The following ASAP2 variants were observed in gnomAD, a reference collection of about 807,000 sequenced individuals.
ASAP2 encodes ArfGAP with SH3 domain, ankyrin repeat and PH domain 2, also known as arf-GAP with SH3 domain, ANK repeat and PH domain-containing protein 2.
Under a neutral mutation model 131.4 loss-of-function variants are expected in ASAP2, and 45 were observed. That is an observed-to-expected ratio of 0.34 (90% CI 0.27 to 0.44). The LOEUF (loss-of-function observed/expected upper bound fraction) is 0.44. ASAP2 is among the 20% of genes least tolerant of loss of function. ASAP2 has a pLI of 1.00. For missense variants in ASAP2, 1,011 were observed against 1,297.0 expected (o/e 0.78, Z 3.39); for synonymous variants, 510 against 503.0 (o/e 1.01, Z -0.19).
intron 2 of ASAP2, among the ~76,000 whole-genome samples, chr2:9,290,373 C>T (rs1667735252): frequency 6.6e-6 from 1 of 152,010 alleles, no homozygotes; most frequent in Admixed American, 6.5e-5. Flanking sequence ...CCACTCCTGG[C>T]TAATTTTTGT....
chr2:9,376,036 C>A (rs1055482661), intron 17 of ASAP2, among the ~76,000 whole-genome samples: 1 of 152,212 alleles, frequency 6.6e-6, no homozygotes, highest in African/African-American at 2.4e-5. Context: ...CACATTTGGT[C>A]CCCTGGAACC....
rs1035375211 is a variant in ASAP2, at chr2:9,334,965, G to A, written c.763-128G>A. The A allele has an allele frequency of 1.8e-5, 24 of 1,343,762 alleles. No homozygotes were observed. In the Middle Eastern group the frequency reaches 1.1e-3, roughly 62 times the overall value. The allele number at this position is 1,343,762 out of a possible 1,614,324, so 83.2% of individuals were successfully genotyped here. A position where few individuals can be genotyped will look rare whatever the true frequency, so the allele number is the denominator to read the frequency against. The stretch of plus-strand genomic sequence containing the variant: ...ACGCCTGTCCTCTGTCTTGGTGGGA[G>A]GGAAGGTTTGACCAGCGAGGGAGGC... On this transcript the variant is annotated intron_variant, in intron 8 of 27. Transcript: ENST00000281419.
intron 1 of ASAP2, among the ~76,000 whole-genome samples, chr2:9,223,432 A>G (rs1292337770): frequency 6.6e-6 from 1 of 152,224 alleles, no homozygotes; most frequent in East Asian, 1.9e-4. Flanking sequence ...TGGAACATGC[A>G]GGCTTCATTT....
intron 21 of ASAP2, 96 bp from the exon 22 acceptor site, chr2:9,388,198 T>C (rs187740270): frequency 5.4e-6 from 8 of 1,490,006 alleles, no homozygotes; most frequent in Admixed American, 2.0e-5. Context: ...CCCAGCAGAG[T>C]TGGTGTCAGT....
rs1446938180 is a variant in ASAP2, at chr2:9,389,148, G to A, written c.2383+602G>A. Among the ~76,000 whole-genome samples, 1 of 152,164 alleles carries A rather than the reference G, an allele frequency of 6.6e-6. No individual in the cohort carries two copies. Among genetic ancestry groups the A allele is most frequent in the African/African-American group, 2.4e-5 (1 of 41,426 alleles). Reference sequence around the variant, plus strand: ...TGACACTTTCTGTTTTTAGAAATACGCAAACCAAAGCTCTCAGAAGTTAAG... The same window carrying A: ...TGACACTTTCTGTTTTTAGAAATACACAAACCAAAGCTCTCAGAAGTTAAG... On this transcript the variant is annotated intron_variant, in intron 22 of 27. Coordinates refer to ENST00000281419, the MANE Select transcript of ASAP2 (RefSeq NM_003887.3). This position sits in a 1 kb window ranked among gnomAD's most constrained non-coding sequence, Gnocchi z 4.7.
chr2:9,257,293 A>ACGG (rs1558272044), intron 1 of ASAP2, among the ~76,000 whole-genome samples: 1 of 151,994 alleles, frequency 6.6e-6, no homozygotes, highest in Non-Finnish European at 1.5e-5. Flanking sequence ...GTCTGAAAGC[A>ACGG]GGGACTGTTT....
chr2:9,374,339 ATGTTGGAACAGAGGTT>A (rs1674214772), intron 16 of ASAP2, among the ~76,000 whole-genome samples: 1 of 152,246 alleles, frequency 6.6e-6, no homozygotes, highest in Non-Finnish European at 1.5e-5. Flanking sequence ...CATGTAGAGA[ATGTTGGAACAGAGGTT>A]GGCCAGGGCT....
chr2:9,281,455 CCT>C lies in ASAP2; in HGVS notation c.199+2069_199+2070del, dbSNP rs1215762980. On this transcript the variant is annotated intron_variant, in intron 2 of 27. Transcript: ENST00000281419. The surrounding 1 kb of genome is among the most constrained non-coding windows in gnomAD (Gnocchi z 4.0). ...GCTGGCCTGCAGGAATTTAACAGCA[CCT>C]CTGTCTAATTTGCCATGCTGACCTA... Among the ~76,000 whole-genome samples, 2 of 152,156 alleles carry C rather than the reference CCT, an allele frequency of 1.3e-5. No individual in the cohort carries two copies. The highest frequency in any genetic ancestry group is 2.9e-5 in the Non-Finnish European group (2 of 68,026).
At chr2:9,286,447 A>AAAAAAAAAATATATAT (rs58605449) in intron 2 of ASAP2, among the ~76,000 whole-genome samples, 3 of 148,418 alleles carry the variant, frequency 2.0e-5, no homozygotes, top group African/African-American at 7.6e-5. Flanking sequence ...GAAAAAAAAA[A>AAAAAAAAAATATATAT]ATATATATAT....
intron 16 of ASAP2, among the ~76,000 whole-genome samples, chr2:9,372,964 T>C (rs1674099190): frequency 6.6e-6 from 1 of 152,154 alleles, no homozygotes. Context: ...TTTCTTAACA[T>C]TATAACAAAA....
intron 20 of ASAP2, among the ~76,000 whole-genome samples, chr2:9,384,700 A>G (rs1675125491): frequency 6.6e-6 from 1 of 152,194 alleles, no homozygotes; most frequent in Admixed American, 6.5e-5. Context: ...GGGGGAGGGG[A>G]CATGGGGGTT....
chr2:9,359,023 C>G, intron 15 of ASAP2, 134 bp downstream of exon 15: 1 of 1,113,718 alleles, frequency 9.0e-7, no homozygotes, highest in Non-Finnish European at 1.3e-6. Flanking sequence ...TAATTAGAAA[C>G]TCATTGATAA....
chr2:9,327,949 T>C, intron 7 of ASAP2, 38 bp downstream of exon 7: 1 of 1,474,488 alleles, frequency 6.8e-7, no homozygotes, highest in South Asian at 1.3e-5. Flanking sequence ...AAATGTTTGT[T>C]CATGTGTGGC....
chr2:9,386,983 T>A (rs1380652561), intron 21 of ASAP2, among the ~76,000 whole-genome samples: 1 of 151,272 alleles, frequency 6.6e-6, no homozygotes, highest in Non-Finnish European at 1.5e-5. Flanking sequence ...GGCGGGCGGA[T>A]CACGAGGTCA....
intron 1 of ASAP2, among the ~76,000 whole-genome samples, chr2:9,273,254 A>G (rs1465958756): frequency 1.3e-5 from 2 of 152,074 alleles, no homozygotes; most frequent in Admixed American, 1.3e-4. Context: ...CGCTGTAGAG[A>G]TCCTGTACTT....
chr2:9,226,262 A>C (rs1395516986), intron 1 of ASAP2, among the ~76,000 whole-genome samples: 2 of 152,236 alleles, frequency 1.3e-5, no homozygotes, highest in African/African-American at 4.8e-5. Context: ...ATTTACAAAT[A>C]AAAGATCACC....
chr2:9,224,595 T>A (rs1052941117), intron 1 of ASAP2, among the ~76,000 whole-genome samples: 22 of 152,178 alleles, frequency 1.4e-4, no homozygotes, highest in African/African-American at 5.1e-4. Flanking sequence ...ATGATCGAAA[T>A]CTCCACTCTA....
At chr2:9,381,882 G>A (rs905850771) in intron 20 of ASAP2, among the ~76,000 whole-genome samples, 3 of 151,604 alleles carry the variant, frequency 2.0e-5, no homozygotes, top group African/African-American at 7.3e-5. Flanking sequence ...CCAGCCTGGG[G>A]GAGAAAAAAA....
Position 9,217,939 on chromosome 2 carries a change from A to G in ASAP2, c.126+10709A>G, listed in dbSNP as rs1397739377. 6.6e-6 allele frequency among the ~76,000 whole-genome samples: 1 copy of G among 151,826 alleles called. No homozygotes were observed. Among genetic ancestry groups the G allele is most frequent in the Non-Finnish European group, 1.5e-5 (1 of 67,960 alleles). On this transcript the variant is annotated intron_variant, in intron 1 of 27. Coordinates refer to ENST00000281419, the MANE Select transcript of ASAP2 (RefSeq NM_003887.3). This position sits in a 1 kb window ranked among gnomAD's most constrained non-coding sequence, Gnocchi z 4.0. Reference sequence around the variant, plus strand: ...TTTTTTTTTTTTTACATGAAAAAATAATGATGACAATGCTTTAATTTCATT... The same window carrying G: ...TTTTTTTTTTTTTACATGAAAAAATGATGATGACAATGCTTTAATTTCATT...
Sources: allele counts gnomAD v4.1 joint callset (sites outside exome capture counted in the v4.1 genomes callset), GRCh38; gene constraint gnomAD v4.1.1; non-coding constraint Gnocchi (gnomAD v3.1); transcripts MANE v1.5; gene names NCBI Gene and HGNC (gene_info 2026-07-23, HGNC 2026-07-21).